The following EFNA5 variants were observed in gnomAD, a reference collection of about 807,000 sequenced individuals.
EFNA5 encodes ephrin-A5.
A neutral mutation model predicts 22.9 loss-of-function variants in EFNA5; 5 were observed. The observed-to-expected ratio is 0.22, with a 90% CI of 0.11 to 0.46. The LOEUF (loss-of-function observed/expected upper bound fraction) is 0.46, where lower values mean the gene tolerates loss of function less well. EFNA5 is among the 20% of genes least tolerant of loss of function. The pLI is 0.99. For synonymous variants in EFNA5, 113 were observed against 112.2 expected (o/e 1.01, Z -0.04); for missense variants, 237 against 293.3 (o/e 0.81, Z 1.40).
intron 1 of EFNA5, among the ~76,000 whole-genome samples, chr5:107,495,636 A>G (rs1746955632): frequency 6.6e-6 from 1 of 152,186 alleles, no homozygotes; most frequent in Admixed American, 6.5e-5. Context: ...TTTCAGGGGA[A>G]CACGAGGAAG....
intron 2 of EFNA5, among the ~76,000 whole-genome samples, chr5:107,421,127 G>A (rs772005833): frequency 1.3e-5 from 2 of 152,120 alleles, no homozygotes; most frequent in South Asian, 2.1e-4. Context: ...AGGAACTTAG[G>A]TTACTTTGTT....
chr5:107,498,994 G>GTATGTA (rs1305620427), intron 1 of EFNA5, among the ~76,000 whole-genome samples: 1 of 41,298 alleles, frequency 2.4e-5, no homozygotes, highest in Admixed American at 2.7e-4. Context: ...GTATGTATGT[G>GTATGTA]TATCAGCCAA....
intron 1 of EFNA5, among the ~76,000 whole-genome samples, chr5:107,637,187 C>T (rs1750390028): frequency 6.6e-6 from 1 of 151,798 alleles, no homozygotes; most frequent in Non-Finnish European, 1.5e-5. Flanking sequence ...AAACCATAAC[C>T]AAAAATAAAA....
chr5:107,569,367 GTATATA>G (rs377698812), intron 1 of EFNA5, among the ~76,000 whole-genome samples: 2 of 127,868 alleles, frequency 1.6e-5, no homozygotes, highest in Non-Finnish European at 3.1e-5. Context: ...ATATATACGT[GTATATA>G]TATATATATT....
chr5:107,591,881 AAT>A (rs1252932049), intron 1 of EFNA5, among the ~76,000 whole-genome samples: 1 of 35,924 alleles, frequency 2.8e-5, no homozygotes, highest in South Asian at 4.8e-4. Context: ...TATAATATAT[AAT>A]ATATATATTA....
At chr5:107,455,784 G>C (rs1205327635) in intron 1 of EFNA5, among the ~76,000 whole-genome samples, 1 of 152,106 alleles carries the variant, frequency 6.6e-6, no homozygotes, top group African/African-American at 2.4e-5. Context: ...CCTGGTTATG[G>C]ATAATTCTTT....
intron 1 of EFNA5, among the ~76,000 whole-genome samples, chr5:107,574,497 C>T (rs1748885194): frequency 6.6e-6 from 1 of 152,324 alleles, no homozygotes; most frequent in Admixed American, 6.5e-5. Flanking sequence ...TCTGGCTTCT[C>T]CATTCTCCAG....
intron 1 of EFNA5, among the ~76,000 whole-genome samples, chr5:107,536,087 C>A (rs1347765627): frequency 6.6e-6 from 1 of 152,180 alleles, no homozygotes; most frequent in Non-Finnish European, 1.5e-5. Flanking sequence ...TCACCACGTA[C>A]CTGACTGATA....
At chr5:107,634,697 G>A (rs1412000325) in intron 1 of EFNA5, among the ~76,000 whole-genome samples, 1 of 145,774 alleles carries the variant, frequency 6.9e-6, no homozygotes, top group African/African-American at 2.5e-5. Flanking sequence ...GAGTCCTTAA[G>A]GGCGTATACC....
chr5:107,409,493 G>A (rs1748304400), intron 2 of EFNA5, among the ~76,000 whole-genome samples: 2 of 152,162 alleles, frequency 1.3e-5, no homozygotes, highest in African/African-American at 4.8e-5. Flanking sequence ...TTGCAAAACT[G>A]GCTAGTCATT....
intron 1 of EFNA5, among the ~76,000 whole-genome samples, chr5:107,598,019 A>G (rs899855033): frequency 2.0e-5 from 3 of 152,186 alleles, no homozygotes; most frequent in Non-Finnish European, 4.4e-5. Context: ...ACTATTAAAG[A>G]CCATTTGAAT....
intron 1 of EFNA5, among the ~76,000 whole-genome samples, chr5:107,489,181 G>A (rs1012329232): frequency 6.6e-6 from 1 of 151,814 alleles, no homozygotes; most frequent in Non-Finnish European, 1.5e-5. Context: ...GACAAAATTT[G>A]TTTGTTTATT....
Position 107,635,384 on chromosome 5 carries a change from G to A in EFNA5, c.125+35105C>T, listed in dbSNP as rs114216888. Reference sequence around the variant, plus strand: ...ACATAACGGGTTCCTGGTTTTCAATGTCAAACCACCACGAATGAAGGAAAT... The same window carrying A: ...ACATAACGGGTTCCTGGTTTTCAATATCAAACCACCACGAATGAAGGAAAT... On this transcript the variant is annotated intron_variant, in intron 1 of 4. Coordinates refer to ENST00000333274, the MANE Select transcript of EFNA5 (RefSeq NM_001962.3). 7.5e-3 allele frequency among the ~76,000 whole-genome samples: 1,145 copies of A among 152,288 alleles called. 8 individuals are homozygous for A. Among genetic ancestry groups the A allele is most frequent in the African/African-American group, 0.019 (807 of 41,564 alleles).
rs712557 is a variant in EFNA5 at position 107,516,716 on chromosome 5, C to T, written c.126-89207G>A. 1.8e-3 allele frequency among the ~76,000 whole-genome samples: 275 copies of T among 152,270 alleles called. 2 individuals are homozygous for T. Among genetic ancestry groups the T allele is most frequent in the Non-Finnish European group, 3.0e-3 (207 of 68,024 alleles). ...GTTTTCCCTCAATGGTAAATCTAAACCATGTGTGACAGCTGCAAACCACAG... is the reference window on the plus strand; with the variant it reads ...GTTTTCCCTCAATGGTAAATCTAAATCATGTGTGACAGCTGCAAACCACAG... On this transcript the variant is annotated intron_variant, in intron 1 of 4. Transcript: ENST00000333274.
chr5:107,619,910 C>T (rs1351857532), intron 1 of EFNA5, among the ~76,000 whole-genome samples: 1 of 152,184 alleles, frequency 6.6e-6, no homozygotes, highest in East Asian at 1.9e-4. Flanking sequence ...TTTGTTTCTA[C>T]CTCTGGCTAC....
intron 1 of EFNA5, among the ~76,000 whole-genome samples, chr5:107,453,784 T>G (rs1025100996): frequency 2.0e-5 from 3 of 152,188 alleles, no homozygotes; most frequent in Admixed American, 6.6e-5. Context: ...TACTTGTTGA[T>G]ATGATTCAAG....
intron 1 of EFNA5, among the ~76,000 whole-genome samples, chr5:107,490,972 G>C (rs1192557123): frequency 2.0e-5 from 3 of 152,140 alleles, no homozygotes; most frequent in Non-Finnish European, 4.4e-5. Context: ...TTCAAACTCA[G>C]CTCCTAGAAA....
intron 1 of EFNA5, among the ~76,000 whole-genome samples, chr5:107,489,471 T>C (rs1746739625): frequency 6.6e-6 from 1 of 152,228 alleles, no homozygotes; most frequent in African/African-American, 2.4e-5. Context: ...GTGCCCGTCC[T>C]GGACCAGATA....
chr5:107,378,866 G>A lies in EFNA5; in HGVS notation c.*2389C>T, dbSNP rs1303030481. ...GTTATGACTAACTGGAATCATGACA[G>A]GATCATTTGATTTCCTTGTGGTTAT... On this transcript the variant is annotated 3_prime_UTR_variant, in exon 5 of 5. Transcript: ENST00000333274. 6.6e-6 allele frequency: 1 copy of A among 152,038 alleles called. No homozygotes were observed. Among genetic ancestry groups the A allele is most frequent in the Non-Finnish European group, 1.5e-5 (1 of 68,008 alleles). 9.4% of individuals were successfully genotyped at this position (152,038 alleles called of 1,614,324 possible).
Sources: allele counts gnomAD v4.1 joint callset (sites outside exome capture counted in the v4.1 genomes callset), GRCh38; gene constraint gnomAD v4.1.1; transcripts MANE v1.5; gene names NCBI Gene and HGNC (gene_info 2026-07-23, HGNC 2026-07-21).